The following CCDC178 variants were observed in gnomAD, a reference collection of about 807,000 sequenced individuals.
CCDC178 encodes the protein coiled-coil domain-containing protein 178.
CCDC178 carries 126 observed loss-of-function variants against 117.4 expected under a neutral mutation model. That is an observed-to-expected ratio of 1.07 (90% CI 0.93 to 1.24). CCDC178 has a LOEUF of 1.24. Among genes scored for constraint, CCDC178 ranks in the 50% most tolerant of loss-of-function variants. CCDC178 has a pLI of 0.00. For missense variants in CCDC178, 1,030 were observed against 986.9 expected (o/e 1.04, Z -0.59); for synonymous variants, 283 against 313.4 (o/e 0.90, Z 1.02).
At chr18:33,120,645 T>G (rs1337588365) in intron 20 of CCDC178, among the ~76,000 whole-genome samples, 2 of 152,128 alleles carry the variant, frequency 1.3e-5, no homozygotes, top group Non-Finnish European at 2.9e-5. Context: ...GTGAAAAGGA[T>G]AGCTATAAAT....
intron 21 of CCDC178, among the ~76,000 whole-genome samples, chr18:33,049,675 A>C (rs921897738): frequency 5.3e-5 from 8 of 152,154 alleles, no homozygotes; most frequent in Non-Finnish European, 8.8e-5. Flanking sequence ...ATTATTTTTA[A>C]CTTGAAGATA....
At chr18:33,135,703 T>A (rs979754981) in intron 20 of CCDC178, among the ~76,000 whole-genome samples, 1 of 152,174 alleles carries the variant, frequency 6.6e-6, no homozygotes, top group Non-Finnish European at 1.5e-5. Flanking sequence ...AATGAACTTG[T>A]TATGAACTTT....
At chr18:33,226,431 T>G (rs1214891688) in intron 16 of CCDC178, among the ~76,000 whole-genome samples, 1 of 152,198 alleles carries the variant, frequency 6.6e-6, no homozygotes, top group Non-Finnish European at 1.5e-5. Flanking sequence ...AGCATATTTT[T>G]CTTTCAGGGT....
chr18:33,018,059 A>C (rs2056031168), intron 21 of CCDC178, among the ~76,000 whole-genome samples: 1 of 152,066 alleles, frequency 6.6e-6, no homozygotes, highest in African/African-American at 2.4e-5. Context: ...TTGTCCTTAG[A>C]ATACGCAAGG....
chr18:33,153,431 C>T (rs538265276), intron 20 of CCDC178, among the ~76,000 whole-genome samples: 39 of 151,920 alleles, frequency 2.6e-4, no homozygotes, highest in African/African-American at 8.9e-4. Flanking sequence ...GGGAAAGAAC[C>T]TCTTACTAAA....
rs181036288 is a variant in CCDC178, at chr18:33,016,510, T to C, written c.2389-41829A>G. 6.6e-5 allele frequency among the ~76,000 whole-genome samples: 10 copies of C among 152,172 alleles called. No homozygotes were observed. In the East Asian group the frequency reaches 1.9e-3, roughly 29 times the overall value. On this transcript the variant is annotated intron_variant, in intron 21 of 22. Coordinates refer to ENST00000383096, the MANE Select transcript of CCDC178 (RefSeq NM_001105528.4). The stretch of plus-strand genomic sequence containing the variant: ...ATAAAAATGTATTTTTGTTGGTAAC[T>C]CTTTTCTTCTTTTCATGAATTTAAA...
In CCDC178 at chr18:33,356,313, A is replaced by C. The variant is rs773092222; in HGVS notation, c.371+11T>G. On this transcript the variant is annotated intron_variant, in intron 7 of 22. Transcript: ENST00000383096. Reference sequence around the variant, plus strand: ...AATAAAATAGTTTTAAAAAGCATGAAATTTTCTTACCATTCTTCAAAAGAA... The same window carrying C: ...AATAAAATAGTTTTAAAAAGCATGACATTTTCTTACCATTCTTCAAAAGAA... 7.4e-6 allele frequency: 11 copies of C among 1,481,580 alleles called. No individual in the cohort carries two copies. The Admixed American group carries it at 1.3e-4, about 18-fold the overall frequency. The allele number at this position is 1,481,580 out of a possible 1,614,324, so 91.8% of individuals were successfully genotyped here.
intron 3 of CCDC178, among the ~76,000 whole-genome samples, chr18:33,410,413 T>C (rs1412506870): frequency 6.6e-6 from 1 of 152,184 alleles, no homozygotes; most frequent in East Asian, 1.9e-4. Context: ...TTGCTTAAGC[T>C]TTACAAAACA....
chr18:33,396,307 T>C (rs2063635623), intron 4 of CCDC178, among the ~76,000 whole-genome samples: 1 of 151,982 alleles, frequency 6.6e-6, no homozygotes, highest in Non-Finnish European at 1.5e-5. Context: ...TGTCAAGTGG[T>C]AGGAAAAAAA....
intron 22 of CCDC178, among the ~76,000 whole-genome samples, 181 bp downstream of exon 22, chr18:32,974,366 G>C (rs938139956): frequency 1.3e-5 from 2 of 152,170 alleles, no homozygotes; most frequent in African/African-American, 4.8e-5. Flanking sequence ...TTCTCCCAAA[G>C]TATGCATGGT....
At chr18:33,338,513 C>A (rs1470228297) in intron 9 of CCDC178, among the ~76,000 whole-genome samples, 1 of 152,112 alleles carries the variant, frequency 6.6e-6, no homozygotes, top group Non-Finnish European at 1.5e-5. Flanking sequence ...GCCCATTAAT[C>A]ACTTAGTGAA....
rs537732937 is a variant in CCDC178, at chr18:33,230,429, G to A, written c.1594-3574C>T. Reference sequence around the variant, plus strand: ...TACTAGAGCCTGGACACATTCTACAGCTCTTCACAGTAAGCTCCCTCCTCT... The same window carrying A: ...TACTAGAGCCTGGACACATTCTACAACTCTTCACAGTAAGCTCCCTCCTCT... On this transcript the variant is annotated intron_variant, in intron 15 of 22. Transcript: ENST00000383096. Among the ~76,000 whole-genome samples, 5 of 152,268 alleles carry A rather than the reference G, an allele frequency of 3.3e-5. No homozygotes were observed. In the East Asian group the frequency reaches 9.6e-4, roughly 29 times the overall value.
intron 15 of CCDC178, among the ~76,000 whole-genome samples, chr18:33,240,039 T>C (rs2059468803): frequency 6.6e-6 from 1 of 151,942 alleles, no homozygotes; most frequent in Admixed American, 6.6e-5. Flanking sequence ...ATATCAAGTA[T>C]CTTCTCTGAC....
intron 22 of CCDC178, among the ~76,000 whole-genome samples, chr18:32,942,608 T>C (rs773537267): frequency 7.2e-5 from 11 of 152,172 alleles, no homozygotes; most frequent in African/African-American, 9.7e-5. Context: ...TGTTTAAATG[T>C]ATATATTTCA....
intron 3 of CCDC178, among the ~76,000 whole-genome samples, chr18:33,409,495 T>G (rs1429584234): frequency 6.6e-6 from 1 of 152,210 alleles, no homozygotes; most frequent in Non-Finnish European, 1.5e-5. Context: ...AAAAGTGTTA[T>G]TATGCTGAAT....
At chr18:33,373,757 T>C (rs1023952319) in intron 5 of CCDC178, among the ~76,000 whole-genome samples, 8 of 152,186 alleles carry the variant, frequency 5.3e-5, no homozygotes, top group Admixed American at 3.9e-4. Context: ...AATTATTGAA[T>C]AAATGAATAA....
At chr18:33,081,260 G>T (rs1472253993) in intron 21 of CCDC178, among the ~76,000 whole-genome samples, 1 of 152,184 alleles carries the variant, frequency 6.6e-6, no homozygotes, top group African/African-American at 2.4e-5. Context: ...AGGTTATCAT[G>T]AAGTCATACA....
At chr18:32,998,850 A>G (rs1010315362) in intron 21 of CCDC178, among the ~76,000 whole-genome samples, 2 of 151,984 alleles carry the variant, frequency 1.3e-5, no homozygotes, top group African/African-American at 4.8e-5. Context: ...TTGGTGAGAT[A>G]CCCAGGCCTT....
At chr18:32,965,828 ACTT>A (rs2054800619) in intron 22 of CCDC178, among the ~76,000 whole-genome samples, 1 of 150,882 alleles carries the variant, frequency 6.6e-6, no homozygotes, top group South Asian at 2.1e-4. Flanking sequence ...ATTTTTTTGT[ACTT>A]CTGATATTTG....
Sources: allele counts gnomAD v4.1 joint callset (sites outside exome capture counted in the v4.1 genomes callset), GRCh38; gene constraint gnomAD v4.1.1; transcripts MANE v1.5; gene names NCBI Gene and HGNC (gene_info 2026-07-23, HGNC 2026-07-21).